Variants in TP53I13 observed in about 807,000 individuals in gnomAD.
TP53I13 encodes the protein tumor protein p53 inducible protein 13, also known as tumor protein p53-inducible protein 13.
TP53I13 carries 27 observed loss-of-function variants against 39.1 expected under a neutral mutation model. The ratio of observed to expected loss-of-function variants is 0.69; its 90% CI spans 0.51 to 0.95. The LOEUF (loss-of-function observed/expected upper bound fraction) is 0.95. Among genes scored for constraint, TP53I13 ranks in the 40% least tolerant of loss-of-function variants. TP53I13 has a pLI of 0.00. For synonymous variants in TP53I13, 230 were observed against 224.6 expected (o/e 1.02, Z -0.22); for missense variants, 544 against 520.4 (o/e 1.05, Z -0.44).
At chr17:29,567,018 G>C, upstream of TP53I13, 1 of 1,245,498 alleles carries the variant, frequency 8.0e-7, no homozygotes. The surrounding 1 kb of genome is among the most constrained non-coding windows in gnomAD (Gnocchi z 6.6). Flanking sequence ...CGTCTACTCG[G>C]CGAGCTCCGC....
chr17:29,568,961 A>G lies in TP53I13; in HGVS notation c.73-57A>G. On this transcript the variant is annotated intron_variant, in intron 1 of 6. Coordinates refer to ENST00000301057, the MANE Select transcript of TP53I13 (RefSeq NM_138349.4). The surrounding 1 kb of genome is among the most constrained non-coding windows in gnomAD (Gnocchi z 4.5). ...CCGCTGGCGGGCTGGGCCTGGGGAG[A>G]GAGAGGGCAGGGCCTCGCCGCGTCC... The G allele has an allele frequency of 6.3e-7, 1 of 1,591,176 alleles. No individual in the cohort carries two copies.
chr17:29,575,479 C>G (rs771544884), downstream of TP53I13: 7 of 1,596,852 alleles, frequency 4.4e-6, no homozygotes, highest in South Asian at 7.8e-5. The surrounding 1 kb of genome is among the most constrained non-coding windows in gnomAD (Gnocchi z 5.5). Context: ...GCCTGAGGCC[C>G]AGGTCCAGAA....
At chr17:29,580,119 G>C in the TP53I13 span, among the ~76,000 whole-genome samples, 3 of 152,134 alleles carry the variant, frequency 2.0e-5, no homozygotes, top group Non-Finnish European at 4.4e-5. Context: ...ACCTGGCTAG[G>C]CTGCCTCCCC....
the TP53I13 span, chr17:29,581,855 G>T: frequency 7.4e-6 from 12 of 1,610,992 alleles, no homozygotes; most frequent in Admixed American, 1.5e-4. The surrounding 1 kb of genome is among the most constrained non-coding windows in gnomAD (Gnocchi z 4.8). Context: ...AGGGGGTATG[G>T]CTCAGACCTG....
downstream of TP53I13, chr17:29,576,050 A>G (rs760937420): frequency 1.9e-6 from 3 of 1,611,774 alleles, no homozygotes; most frequent in Non-Finnish European, 2.5e-6. Context: ...CCTACTGGCT[A>G]AGATGGACAC....
rs1327991966 is a variant in TP53I13 at position 29,572,341 on chromosome 17, G to C, written c.713G>C (p.Gly238Ala). The change falls in exon 6 of 7, where the codon GGA becomes GCA. Residue 238 changes from glycine to alanine, a missense_variant. Physicochemically the swap from Gly to Ala is moderately conservative, Grantham distance 60. Transcript: ENST00000301057. Reference sequence around the variant, plus strand: ...TTGAAGGCCAAGCAGTCCATGGCGGGAATCCCTGGTAGGGAGAGTAATGCC... The same window carrying C: ...TTGAAGGCCAAGCAGTCCATGGCGGCAATCCCTGGTAGGGAGAGTAATGCC... ...GSLKAKQSMA[G>A]IPGRESNAPS... The C allele has an allele frequency of 6.2e-7, 1 of 1,611,400 alleles. No homozygotes were observed. Among genetic ancestry groups the C allele is most frequent in the East Asian group, 2.2e-5 (1 of 44,818 alleles).
downstream of TP53I13, chr17:29,576,350 G>A (rs1335529772): frequency 8.7e-6 from 14 of 1,613,176 alleles, no homozygotes; most frequent in Middle Eastern, 3.3e-4. Flanking sequence ...CCCGCCTGGC[G>A]CCATGGGTGT....
downstream of TP53I13, chr17:29,576,305 A>G: frequency 6.2e-7 from 1 of 1,612,918 alleles, no homozygotes; most frequent in Non-Finnish European, 8.5e-7. Flanking sequence ...AGGTTCATAC[A>G]TGGAAAAGGC....
At chr17:29,575,349 C>G, downstream of TP53I13, 1 of 1,613,668 alleles carries the variant, frequency 6.2e-7, no homozygotes, top group Non-Finnish European at 8.5e-7. The surrounding 1 kb of genome is among the most constrained non-coding windows in gnomAD (Gnocchi z 5.5). Flanking sequence ...GTGACCTGCT[C>G]TGTCTTCAAG....
downstream of TP53I13, chr17:29,574,585 C>T (rs757604901): frequency 2.2e-6 from 2 of 906,344 alleles, no homozygotes; most frequent in South Asian, 2.8e-5. Context: ...GGGAGTGTGG[C>T]AGCACTAAGG....
chr17:29,574,537 G>T (rs765980878), downstream of TP53I13: 12 of 691,958 alleles, frequency 1.7e-5, no homozygotes, highest in Non-Finnish European at 3.1e-5. Context: ...CATCCTTAGG[G>T]GCTCGACAGG....
upstream of TP53I13, chr17:29,568,432 A>C (rs2032780227): frequency 6.6e-6 from 1 of 152,534 alleles, no homozygotes; most frequent in Non-Finnish European, 1.5e-5. This position sits in a 1 kb window ranked among gnomAD's most constrained non-coding sequence, Gnocchi z 4.5. Context: ...TACAGACTGC[A>C]GGGACCTGCT....
chr17:29,576,243 G>A (rs780961355), downstream of TP53I13: 12 of 1,608,766 alleles, frequency 7.5e-6, no homozygotes, highest in South Asian at 2.2e-5. Context: ...GGCTGCAGCC[G>A]CGTAGTGAGC....
At chr17:29,566,777 C>T, upstream of TP53I13, 4 of 1,514,320 alleles carry the variant, frequency 2.6e-6, no homozygotes, top group Non-Finnish European at 3.5e-6. Flanking sequence ...GGCAGTGGCT[C>T]GCGCCCGTCG....
At chr17:29,577,017 C>T (rs957565798), downstream of TP53I13, 6 of 1,604,670 alleles carry the variant, frequency 3.7e-6, no homozygotes, top group African/African-American at 2.7e-5. Context: ...AGGAGTGTCA[C>T]TCAGGCCACA....
chr17:29,576,160 G>C (rs972957748), downstream of TP53I13: 1 of 1,612,510 alleles, frequency 6.2e-7, no homozygotes, highest in African/African-American at 1.3e-5. Context: ...CGAGCGTCAT[G>C]GTGGACCCTG....
At chr17:29,575,335 C>G (rs781122630), downstream of TP53I13, 9 of 1,613,644 alleles carry the variant, frequency 5.6e-6, no homozygotes, top group Non-Finnish European at 7.6e-6. This position sits in a 1 kb window ranked among gnomAD's most constrained non-coding sequence, Gnocchi z 5.5. Flanking sequence ...CCTGAATGTT[C>G]TTGGTGACCT....
chr17:29,581,192 G>A, the TP53I13 span: 3 of 682,632 alleles, frequency 4.4e-6, no homozygotes, highest in Admixed American at 6.5e-5. The surrounding 1 kb of genome is among the most constrained non-coding windows in gnomAD (Gnocchi z 4.8). Context: ...CCCAGCATTA[G>A]GGACTGAGGA....
chr17:29,576,080 G>A (rs1314162149), downstream of TP53I13: 4 of 1,613,492 alleles, frequency 2.5e-6, no homozygotes, highest in East Asian at 2.2e-5. Flanking sequence ...AGGCTTACCC[G>A]GTAAAGGCCA....
Sources: allele counts gnomAD v4.1 joint callset (sites outside exome capture counted in the v4.1 genomes callset), GRCh38; gene constraint gnomAD v4.1.1; non-coding constraint Gnocchi (gnomAD v3.1); transcripts MANE v1.5; gene names NCBI Gene and HGNC (gene_info 2026-07-23, HGNC 2026-07-21).